The following CDK5RAP2 variants were observed in gnomAD, a reference collection of about 807,000 sequenced individuals.
CDK5RAP2 encodes CDK5 regulatory subunit associated protein 2.
A neutral mutation model predicts 232.9 loss-of-function variants in CDK5RAP2; 147 were observed. That is an observed-to-expected ratio of 0.63 (90% CI 0.55 to 0.72). The LOEUF (loss-of-function observed/expected upper bound fraction) is 0.72. CDK5RAP2 is among the 30% of genes least tolerant of loss of function. The pLI is 0.00. For synonymous variants in CDK5RAP2, 833 were observed against 833.7 expected (o/e 1.00, Z 0.01); for missense variants, 2,195 against 2,231.5 (o/e 0.98, Z 0.33).
chr9:120,541,154 T>C (rs1214120152), intron 5 of CDK5RAP2, among the ~76,000 whole-genome samples: 14 of 152,194 alleles, frequency 9.2e-5, no homozygotes, highest in Admixed American at 2.6e-4. Context: ...TCACCAAGGT[T>C]TGAGGCCTGG....
At chr9:120,531,899 C>T (rs972977830) in intron 7 of CDK5RAP2, among the ~76,000 whole-genome samples, 4 of 152,076 alleles carry the variant, frequency 2.6e-5, no homozygotes, top group African/African-American at 9.7e-5. Flanking sequence ...TCTAGGGGCT[C>T]AACTTTGAAA....
intron 28 of CDK5RAP2, 89 bp downstream of exon 28, chr9:120,414,945 AGCACCT>A: frequency 7.0e-7 from 1 of 1,433,470 alleles, no homozygotes; most frequent in South Asian, 1.2e-5. Context: ...ACATTTATCA[AGCACCT>A]GCTTTGTACA....
At chr9:120,576,757 T>C (rs2043047893) in intron 1 of CDK5RAP2, among the ~76,000 whole-genome samples, 1 of 149,964 alleles carries the variant, frequency 6.7e-6, no homozygotes, top group Non-Finnish European at 1.5e-5. Flanking sequence ...ACCCAAAGGA[T>C]GGCTATAATC....
At chr9:120,556,476 T>C (rs956556966) in intron 3 of CDK5RAP2, among the ~76,000 whole-genome samples, 1 of 152,022 alleles carries the variant, frequency 6.6e-6, no homozygotes. Flanking sequence ...TCACCCAGGC[T>C]GGAGTGCAGT....
chr9:120,425,916 A>G (rs1434912946), intron 25 of CDK5RAP2, among the ~76,000 whole-genome samples: 1 of 152,218 alleles, frequency 6.6e-6, no homozygotes, highest in Non-Finnish European at 1.5e-5. Context: ...ACTGCACTAC[A>G]CACTGTGATA....
At chr9:120,430,037 T>C (rs1435440787) in intron 25 of CDK5RAP2, among the ~76,000 whole-genome samples, 7 of 152,170 alleles carry the variant, frequency 4.6e-5, no homozygotes, top group African/African-American at 7.2e-5. Context: ...ATAAATGGTG[T>C]TGGCAAAACT....
chr9:120,535,353 G>C (rs1328747775), intron 7 of CDK5RAP2, among the ~76,000 whole-genome samples: 1 of 152,174 alleles, frequency 6.6e-6, no homozygotes, highest in African/African-American at 2.4e-5. Flanking sequence ...ATCTCCACAG[G>C]TGGTACCAAG....
chr9:120,398,200 G>A (rs1257857709), intron 35 of CDK5RAP2, among the ~76,000 whole-genome samples: 1 of 152,126 alleles, frequency 6.6e-6, no homozygotes, highest in Non-Finnish European at 1.5e-5. Flanking sequence ...TCTTTTAATG[G>A]ATGATAATAC....
At chr9:120,413,407 A>T (rs183760202) in intron 28 of CDK5RAP2, among the ~76,000 whole-genome samples, 2 of 152,360 alleles carry the variant, frequency 1.3e-5, no homozygotes, top group East Asian at 3.9e-4. Context: ...CTGCTCCCCA[A>T]GGTAAACATT....
intron 22 of CDK5RAP2, among the ~76,000 whole-genome samples, chr9:120,447,175 T>C (rs1364280771): frequency 1.3e-5 from 2 of 152,210 alleles, no homozygotes; most frequent in Non-Finnish European, 2.9e-5. Context: ...GGAGTCAACA[T>C]ATGCACTTTT....
chr9:120,533,217 C>T (rs542695162), intron 7 of CDK5RAP2, among the ~76,000 whole-genome samples: 28 of 152,238 alleles, frequency 1.8e-4, no homozygotes, highest in South Asian at 2.1e-4. Context: ...ACTGAGAGCA[C>T]CATAGAAGCA....
chr9:120,391,562 G>A (rs1172510048), intron 36 of CDK5RAP2, among the ~76,000 whole-genome samples: 1 of 152,178 alleles, frequency 6.6e-6, no homozygotes, highest in Non-Finnish European at 1.5e-5. Flanking sequence ...CACCCTATGG[G>A]GCAGAACTAC....
intron 25 of CDK5RAP2, among the ~76,000 whole-genome samples, chr9:120,435,987 T>A (rs2094792212): frequency 2.0e-5 from 3 of 152,198 alleles, no homozygotes; most frequent in African/African-American, 7.2e-5. Context: ...ATGGTAAAAC[T>A]CATGGTAGAA....
intron 5 of CDK5RAP2, among the ~76,000 whole-genome samples, chr9:120,544,504 T>C (rs10984951): frequency 0.079 from 12,055 of 152,334 alleles, 677 homozygotes; most frequent in East Asian, 0.29. Context: ...TGGCATCCTC[T>C]AGTCTGCTGA....
intron 12 of CDK5RAP2, among the ~76,000 whole-genome samples, chr9:120,507,401 T>TA (rs761495917): frequency 1.4e-4 from 21 of 152,162 alleles, no homozygotes; most frequent in Non-Finnish European, 2.2e-4. Context: ...GCAACATAGG[T>TA]AAAAAATAGT....
chr9:120,495,092 GC>G (rs2039117960), intron 12 of CDK5RAP2, among the ~76,000 whole-genome samples: 1 of 54,430 alleles, frequency 1.8e-5, no homozygotes, highest in Non-Finnish European at 3.3e-5. Flanking sequence ...GCCCCGCGGG[GC>G]CCGAGGGCAA....
At chr9:120,469,249 C>T (rs372273204) in intron 17 of CDK5RAP2, among the ~76,000 whole-genome samples, 6 of 152,174 alleles carry the variant, frequency 3.9e-5, no homozygotes, top group Admixed American at 6.5e-5. Flanking sequence ...CCGAATTCGT[C>T]CTTCGAAACC....
intron 3 of CDK5RAP2, among the ~76,000 whole-genome samples, chr9:120,564,415 G>A (rs1040816450): frequency 4.0e-5 from 6 of 151,712 alleles, no homozygotes; most frequent in Middle Eastern, 3.4e-3. Context: ...GCTTGAACCC[G>A]GGAGGCTGCG....
At chr9:120,402,359 C>T (rs574323865) in intron 34 of CDK5RAP2, among the ~76,000 whole-genome samples, 6 of 152,108 alleles carry the variant, frequency 3.9e-5, no homozygotes, top group Non-Finnish European at 8.8e-5. Flanking sequence ...GTGAGACAAA[C>T]GTTCATGAAC....
Sources: gnomAD v4.1 joint callset for allele counts (sites outside exome capture counted in the v4.1 genomes callset) on GRCh38, gnomAD v4.1.1 for gene constraint, MANE v1.5 for transcripts, NCBI Gene and HGNC (gene_info 2026-07-23, HGNC 2026-07-21) for gene names.